GRID2: variants seen among roughly 807,000 people sequenced by gnomAD.
GRID2 encodes the protein glutamate ionotropic receptor delta type subunit 2.
Under a neutral mutation model 114.8 loss-of-function variants are expected in GRID2, and 33 were observed. The ratio of observed to expected loss-of-function variants is 0.29; its 90% CI spans 0.22 to 0.38. GRID2 has a LOEUF of 0.38. Ranked by LOEUF, GRID2 falls within the 10% of genes least tolerant of loss-of-function variation. GRID2 has a pLI of 1.00. For synonymous variants in GRID2, 505 were observed against 449.9 expected, an observed-to-expected ratio of 1.12 and a Z score of -1.55; for missense variants, 1,184 against 1,257.7, an observed-to-expected ratio of 0.94 and a Z score of 0.89.
intron 13 of GRID2, among the ~76,000 whole-genome samples, chr4:93,598,208 CTG>C (rs1449791688): frequency 6.6e-6 from 1 of 152,184 alleles, no homozygotes. Flanking sequence ...ACTCTAGACT[CTG>C]TGTTCTTAGA....
At chr4:92,554,736 G>T (rs1455138738) in intron 1 of GRID2, among the ~76,000 whole-genome samples, 1 of 152,148 alleles carries the variant, frequency 6.6e-6, no homozygotes, top group African/African-American at 2.4e-5. Flanking sequence ...TAACTTCTCA[G>T]ATAAATGATC....
At chr4:92,770,761 A>G (rs1403772622) in intron 2 of GRID2, among the ~76,000 whole-genome samples, 1 of 152,040 alleles carries the variant, frequency 6.6e-6, no homozygotes, top group Non-Finnish European at 1.5e-5. Flanking sequence ...CCACCACCAT[A>G]ATTCAATCAC....
At chr4:93,332,267 CGTGTGTGT>C (rs1234388137) in intron 8 of GRID2, among the ~76,000 whole-genome samples, 21 of 133,936 alleles carry the variant, frequency 1.6e-4, no homozygotes, top group Non-Finnish European at 2.5e-4. Flanking sequence ...TGTGTGTGTG[CGTGTGTGT>C]GTGTGTGTGT....
chr4:92,928,192 A>G (rs909970507), intron 2 of GRID2, among the ~76,000 whole-genome samples: 3 of 151,724 alleles, frequency 2.0e-5, no homozygotes, highest in Admixed American at 6.6e-5. Context: ...TATTATCCTT[A>G]TAAATTCCCA....
chr4:93,321,732 A>G (rs1579668844), intron 8 of GRID2, among the ~76,000 whole-genome samples: 1 of 151,980 alleles, frequency 6.6e-6, no homozygotes, highest in African/African-American at 2.4e-5. Flanking sequence ...TCCTCATTCT[A>G]AATATCTTTC....
chr4:93,525,828 G>A (rs1730832906), intron 13 of GRID2, among the ~76,000 whole-genome samples: 2 of 152,010 alleles, frequency 1.3e-5, no homozygotes, highest in South Asian at 4.1e-4. Flanking sequence ...ATTCTCCAAA[G>A]GATTTTCCAG....
At chr4:92,527,588 T>C (rs1023515603) in intron 1 of GRID2, among the ~76,000 whole-genome samples, 1 of 152,092 alleles carries the variant, frequency 6.6e-6, no homozygotes, top group Non-Finnish European at 1.5e-5. Context: ...TCCAAATACA[T>C]TTACAACAGA....
chr4:93,033,691 T>C (rs964309323), intron 2 of GRID2, among the ~76,000 whole-genome samples: 1 of 152,196 alleles, frequency 6.6e-6, no homozygotes, highest in Non-Finnish European at 1.5e-5. Flanking sequence ...CTCTCTCTCC[T>C]TGTTTCTGTT....
intron 13 of GRID2, among the ~76,000 whole-genome samples, chr4:93,619,235 C>A (rs1741989210): frequency 6.6e-6 from 1 of 152,136 alleles, no homozygotes. Context: ...AGTACTTAAA[C>A]TTGAGTTTGA....
chr4:92,577,674 A>G lies in GRID2; in HGVS notation c.89-12457A>G, dbSNP rs114110743. Among the ~76,000 whole-genome samples, 1,043 of 152,314 alleles carry G rather than the reference A, an allele frequency of 6.8e-3. 10 individuals are homozygous for G. Among genetic ancestry groups the G allele is most frequent in the African/African-American group, 0.022 (912 of 41,560 alleles). On this transcript the variant is annotated intron_variant, in intron 1 of 15. Transcript: ENST00000282020. Reference sequence around the variant, plus strand: ...AAATAAATCTCCAGTTGAAAGGACTACAGGAAGAGCAAGGTCCTCTAGAGA... The same window carrying G: ...AAATAAATCTCCAGTTGAAAGGACTGCAGGAAGAGCAAGGTCCTCTAGAGA...
intron 1 of GRID2, among the ~76,000 whole-genome samples, chr4:93,789,081 G>A (rs907343316): frequency 2.7e-4 from 41 of 152,272 alleles, no homozygotes; most frequent in Middle Eastern, 3.4e-3. Flanking sequence ...CAGCTGCAAA[G>A]TGATAGCTAA....
At chr4:92,646,634 A>T (rs1339039699) in intron 2 of GRID2, among the ~76,000 whole-genome samples, 1 of 152,244 alleles carries the variant, frequency 6.6e-6, no homozygotes, top group African/African-American at 2.4e-5. Context: ...TAACAGTTTA[A>T]TCCTTTTGAT....
intron 2 of GRID2, among the ~76,000 whole-genome samples, chr4:93,020,321 T>A (rs2149244584): frequency 6.6e-6 from 1 of 152,308 alleles, no homozygotes; most frequent in East Asian, 1.9e-4. Context: ...GCCTAATAGA[T>A]GACTTTTATT....
chr4:93,443,521 A>G (rs1721809912), intron 10 of GRID2, among the ~76,000 whole-genome samples: 1 of 152,036 alleles, frequency 6.6e-6, no homozygotes, highest in South Asian at 2.1e-4. Context: ...CAAGCATATT[A>G]TAGGGGACAT....
chr4:92,970,803 T>G (rs555781612), intron 2 of GRID2, among the ~76,000 whole-genome samples: 1 of 152,124 alleles, frequency 6.6e-6, no homozygotes, highest in Non-Finnish European at 1.5e-5. Context: ...TCGTTGGTAA[T>G]ATGAAAATAT....
intron 1 of GRID2, among the ~76,000 whole-genome samples, chr4:92,525,125 G>A (rs1230099818): frequency 6.6e-6 from 1 of 151,890 alleles, no homozygotes; most frequent in African/African-American, 2.4e-5. Context: ...GCTGTGAGGT[G>A]GGAAATGGAG....
At chr4:92,601,637 G>A (rs1025326418) in intron 2 of GRID2, among the ~76,000 whole-genome samples, 1 of 152,006 alleles carries the variant, frequency 6.6e-6, no homozygotes, top group South Asian at 2.1e-4. Context: ...AAAACTAAGA[G>A]CAAACAAACC....
intron 8 of GRID2, among the ~76,000 whole-genome samples, chr4:93,285,178 T>G (rs911861565): frequency 5.3e-5 from 8 of 152,046 alleles, no homozygotes; most frequent in African/African-American, 1.9e-4. Context: ...TAAAAAATAT[T>G]TCTCAAGTAA....
chr4:93,587,009 A>G (rs1458019439), intron 13 of GRID2, among the ~76,000 whole-genome samples: 1 of 152,108 alleles, frequency 6.6e-6, no homozygotes, highest in Non-Finnish European at 1.5e-5. Context: ...ATCTCCTCCC[A>G]AGAGAGCTAA....
Sources: gnomAD v4.1 joint callset for allele counts (sites outside exome capture counted in the v4.1 genomes callset) on GRCh38, gnomAD v4.1.1 for gene constraint, MANE v1.5 for transcripts, NCBI Gene and HGNC (gene_info 2026-07-23, HGNC 2026-07-21) for gene names.